SAMD5: variants seen among roughly 807,000 people sequenced by gnomAD.
SAMD5 encodes sterile alpha motif domain containing 5.
Under a neutral mutation model 11.3 loss-of-function variants are expected in SAMD5, and 13 were observed. That is an observed-to-expected ratio of 1.15 (90% CI 0.75 to 1.83). The LOEUF is 1.83. Ranked by LOEUF, SAMD5 falls within the 40% of genes most tolerant of loss-of-function variation. SAMD5 has a pLI of 0.00. For missense variants in SAMD5, 255 were observed against 239.1 expected, an observed-to-expected ratio of 1.07 and a Z score of -0.44; for synonymous variants, 129 against 111.3, an observed-to-expected ratio of 1.16 and a Z score of -1.00.
intron 1 of SAMD5, among the ~76,000 whole-genome samples, chr6:147,601,620 G>A (rs965818742): frequency 2.0e-5 from 3 of 152,294 alleles, no homozygotes; most frequent in South Asian, 4.1e-4. Context: ...TAAACATACC[G>A]TAGATTATAA....
chr6:147,726,199 T>C (rs1791624240), intron 1 of SAMD5, among the ~76,000 whole-genome samples: 1 of 152,212 alleles, frequency 6.6e-6, no homozygotes, highest in Admixed American at 6.5e-5. Context: ...TCTGAAATTA[T>C]CTTCTGTCCC....
the SAMD5 span, among the ~76,000 whole-genome samples, chr6:147,855,454 A>G: frequency 2.6e-5 from 4 of 152,166 alleles, no homozygotes; most frequent in Non-Finnish European, 4.4e-5. Flanking sequence ...AGATGCCAAC[A>G]CTACACTTTC....
chr6:147,822,918 G>A, the SAMD5 span, among the ~76,000 whole-genome samples: 2 of 152,198 alleles, frequency 1.3e-5, no homozygotes, highest in African/African-American at 2.4e-5. Context: ...GGGTTCAAGC[G>A]ATTCTCCTGT....
the SAMD5 span, among the ~76,000 whole-genome samples, chr6:147,781,269 C>G: frequency 0.15 from 23,429 of 151,272 alleles, 2,124 homozygotes; most frequent in African/African-American, 0.24. Context: ...GATCCTCCTA[C>G]CTCAGCCTTC....
chr6:147,815,440 T>C, the SAMD5 span, among the ~76,000 whole-genome samples: 1 of 152,052 alleles, frequency 6.6e-6, no homozygotes, highest in Non-Finnish European at 1.5e-5. Flanking sequence ...TGTGGCATGG[T>C]AGTAAAAGCA....
rs527623988 is a variant in SAMD5, at chr6:147,588,549, C to T, written c.162+79162C>T. 6.6e-5 allele frequency among the ~76,000 whole-genome samples: 10 copies of T among 152,184 alleles called. No homozygotes were observed. The South Asian group carries it at 2.1e-3, about 32-fold the overall frequency. On this transcript the variant is annotated intron_variant, in intron 1 of 1. Transcript: ENST00000566741. ...TCATGTTGGCCAGGCTGGTCTCAAA[C>T]TCTTGGCCTCGGGTGATCTGCCTGC...
At chr6:147,858,449 G>A in the SAMD5 span, among the ~76,000 whole-genome samples, 1 of 152,024 alleles carries the variant, frequency 6.6e-6, no homozygotes, top group African/African-American at 2.4e-5. Flanking sequence ...ATTAGTTTAG[G>A]GCCACTGGAG....
intron 1 of SAMD5, among the ~76,000 whole-genome samples, chr6:147,600,560 C>T (rs937798625): frequency 4.6e-5 from 7 of 152,204 alleles, no homozygotes; most frequent in African/African-American, 1.4e-4. Flanking sequence ...TCTTTCTCTT[C>T]ACTTTCAAAA....
At chr6:147,924,449 A>G in the SAMD5 span, among the ~76,000 whole-genome samples, 1 of 152,146 alleles carries the variant, frequency 6.6e-6, no homozygotes, top group African/African-American at 2.4e-5. Flanking sequence ...TTTGACATTT[A>G]TGGCCTGTAA....
chr6:147,813,672 C>T, the SAMD5 span, among the ~76,000 whole-genome samples: 1 of 152,172 alleles, frequency 6.6e-6, no homozygotes, highest in East Asian at 1.9e-4. Flanking sequence ...GTAACTTGCT[C>T]CATTGACTTT....
chr6:147,805,154 GCCCA>G, the SAMD5 span, among the ~76,000 whole-genome samples: 1 of 152,148 alleles, frequency 6.6e-6, no homozygotes, highest in African/African-American at 2.4e-5. Context: ...ACAATTTCTA[GCCCA>G]GTTATATGAG....
intron 1 of SAMD5, among the ~76,000 whole-genome samples, chr6:147,554,073 C>T (rs1485421609): frequency 2.0e-5 from 3 of 152,058 alleles, no homozygotes; most frequent in Admixed American, 1.3e-4. Flanking sequence ...CCTCAGGAAA[C>T]TTACAATTAT....
At chr6:147,570,456 G>A (rs1008366653), downstream of SAMD5, among the ~76,000 whole-genome samples, 15 of 152,100 alleles carry the variant, frequency 9.9e-5, no homozygotes, top group Admixed American at 3.9e-4. Context: ...CAATATTTCC[G>A]TGTTCATTAG....
chr6:147,808,361 G>A, the SAMD5 span, among the ~76,000 whole-genome samples: 1 of 152,154 alleles, frequency 6.6e-6, no homozygotes, highest in Non-Finnish European at 1.5e-5. Context: ...GCCATGCCTA[G>A]CTAATTTTTT....
At chr6:147,924,198 G>A in the SAMD5 span, among the ~76,000 whole-genome samples, 2 of 152,136 alleles carry the variant, frequency 1.3e-5, no homozygotes, top group Admixed American at 6.5e-5. Flanking sequence ...ATGCTGAGAG[G>A]TGAACCTTAG....
the SAMD5 span, among the ~76,000 whole-genome samples, chr6:147,899,859 C>A: frequency 6.6e-6 from 1 of 152,088 alleles, no homozygotes; most frequent in African/African-American, 2.4e-5. Context: ...TTATTCACAC[C>A]AAGTTGTAAA....
At position 147,520,657 on chromosome 6, in the gene SAMD5, C is replaced by T. The variant is rs1441901756; in HGVS notation, c.459+11270C>T. Reference sequence around the variant, plus strand: ...ATACTGATACACAAAACTAGTATCACAGTCTAAATGGATAAGAGTCAGGCT... The same window carrying T: ...ATACTGATACACAAAACTAGTATCATAGTCTAAATGGATAAGAGTCAGGCT... On this transcript the variant is annotated intron_variant, in intron 1 of 1. Coordinates refer to ENST00000367474, the MANE Select transcript of SAMD5 (RefSeq NM_001030060.3). 4.6e-5 allele frequency among the ~76,000 whole-genome samples: 7 copies of T among 152,150 alleles called. 1 individual carries two copies. Among genetic ancestry groups the T allele is most frequent in the Admixed American group, 3.9e-4 (6 of 15,272 alleles).
At chr6:147,586,287 AGGGTGT>A (rs1225719165) in intron 1 of SAMD5, among the ~76,000 whole-genome samples, 2 of 152,322 alleles carry the variant, frequency 1.3e-5, no homozygotes, top group East Asian at 3.9e-4. Context: ...CCAATTTGTC[AGGGTGT>A]GTGTATTTGG....
downstream of SAMD5, among the ~76,000 whole-genome samples, chr6:147,742,275 G>A (rs568618542): frequency 4.0e-4 from 61 of 152,182 alleles, no homozygotes; most frequent in African/African-American, 1.4e-3. Flanking sequence ...GTGTGTGTTT[G>A]TGTCTGTGCT....
Sources: gnomAD v4.1 joint callset for allele counts (sites outside exome capture counted in the v4.1 genomes callset) on GRCh38, gnomAD v4.1.1 for gene constraint, MANE v1.5 for transcripts, NCBI Gene and HGNC (gene_info 2026-07-23, HGNC 2026-07-21) for gene names.